Variants in ANXA8 observed in about 807,000 individuals in gnomAD.
The protein encoded by ANXA8 is VAC-beta.
ANXA8 carries 9 observed loss-of-function variants against 26.8 expected under a neutral mutation model. That is an observed-to-expected ratio of 0.34 (90% CI 0.20 to 0.59). ANXA8 has a LOEUF of 0.59. Among genes scored for constraint, ANXA8 ranks in the 20% least tolerant of loss-of-function variants. ANXA8 has a pLI of 0.84. For synonymous variants in ANXA8, 39 were observed against 94.8 expected, an observed-to-expected ratio of 0.41 and a Z score of 3.42; for missense variants, 83 against 238.5, an observed-to-expected ratio of 0.35 and a Z score of 4.29.
the ANXA8 span, among the ~76,000 whole-genome samples, chr10:47,652,372 G>A: frequency 6.6e-6 from 1 of 151,712 alleles, no homozygotes; most frequent in Non-Finnish European, 1.5e-5. Context: ...CGAGGCGAGT[G>A]GATCACTTGA....
At chr10:47,646,438 G>C in the ANXA8 span, among the ~76,000 whole-genome samples, 96 of 144,218 alleles carry the variant, frequency 6.7e-4, no homozygotes, top group Non-Finnish European at 1.1e-3. Flanking sequence ...AATAACTTAT[G>C]ACATGCTAAA....
At chr10:47,960,469 C>T in the ANXA8 span, among the ~76,000 whole-genome samples, 2 of 148,868 alleles carry the variant, frequency 1.3e-5, no homozygotes, top group Non-Finnish European at 3.0e-5. Flanking sequence ...CTCTGAGAAC[C>T]AATTATAAAC....
chr10:47,743,263 T>TATATATATAC, the ANXA8 span, among the ~76,000 whole-genome samples: 2 of 116,254 alleles, frequency 1.7e-5, no homozygotes, highest in Admixed American at 9.3e-5. Context: ...TATATATATA[T>TATATATATAC]ACATATATAT....
the ANXA8 span, among the ~76,000 whole-genome samples, chr10:47,735,435 A>C: frequency 6.7e-6 from 1 of 148,534 alleles, no homozygotes; most frequent in Non-Finnish European, 1.5e-5. Flanking sequence ...TGGATGAATG[A>C]AAGTGAGAAA....
chr10:47,703,417 A>T, the ANXA8 span, among the ~76,000 whole-genome samples: 19 of 151,350 alleles, frequency 1.3e-4, 2 homozygotes, highest in African/African-American at 4.4e-4. Context: ...AAAATAGAAA[A>T]ATTAACCAGG....
chr10:47,702,557 T>C, the ANXA8 span, among the ~76,000 whole-genome samples: 1 of 151,466 alleles, frequency 6.6e-6, no homozygotes, highest in East Asian at 2.0e-4. Flanking sequence ...GCCAGGCTGG[T>C]CTTGAACTCC....
At chr10:47,772,523 G>T in the ANXA8 span, among the ~76,000 whole-genome samples, 1 of 152,150 alleles carries the variant, frequency 6.6e-6, no homozygotes, top group Non-Finnish European at 1.5e-5. Context: ...CCTATAATGG[G>T]AGACTGGTTG....
the ANXA8 span, among the ~76,000 whole-genome samples, chr10:47,977,924 TGAA>T: frequency 6.6e-6 from 1 of 151,120 alleles, no homozygotes; most frequent in East Asian, 1.9e-4. Flanking sequence ...CCAAATTTGA[TGAA>T]GAACATTAAT....
chr10:47,587,845 A>G, the ANXA8 span, among the ~76,000 whole-genome samples: 1 of 145,974 alleles, frequency 6.9e-6, no homozygotes, highest in Non-Finnish European at 1.5e-5. Flanking sequence ...CCTGGGGAAA[A>G]CACCTCCTGT....
the ANXA8 span, among the ~76,000 whole-genome samples, chr10:47,503,972 A>AT: frequency 8.6e-6 from 1 of 116,120 alleles, no homozygotes; most frequent in South Asian, 2.8e-4. Context: ...AAAAAGATAC[A>AT]TTTTCTGTTG....
At chr10:47,491,772 G>A in the ANXA8 span, 7 of 1,517,322 alleles carry the variant, frequency 4.6e-6, 1 homozygote, top group African/African-American at 9.9e-5. Context: ...GGGGCAATAA[G>A]CCCTCACCCC....
the ANXA8 span, among the ~76,000 whole-genome samples, chr10:47,769,179 G>A: frequency 2.5e-4 from 36 of 144,530 alleles, no homozygotes; most frequent in East Asian, 7.4e-3. Context: ...TTCTGGAGTG[G>A]GTGTCAGGGG....
At chr10:47,691,235 G>A in the ANXA8 span, 19 of 1,418,274 alleles carry the variant, frequency 1.3e-5, no homozygotes, top group South Asian at 2.0e-4. Context: ...CACGGGTGAG[G>A]TCATTATGGT....
At chr10:47,694,562 A>G in the ANXA8 span, among the ~76,000 whole-genome samples, 2 of 151,578 alleles carry the variant, frequency 1.3e-5, no homozygotes, top group South Asian at 4.2e-4. Flanking sequence ...CTGGGACTAC[A>G]GGAGCCCGCC....
the ANXA8 span, among the ~76,000 whole-genome samples, chr10:47,519,467 C>CAA: frequency 2.4e-5 from 2 of 84,766 alleles, no homozygotes; most frequent in Non-Finnish European, 4.7e-5. Flanking sequence ...GACTCCATTT[C>CAA]AAAAAAAAAA....
chr10:47,698,814 G>A, the ANXA8 span, among the ~76,000 whole-genome samples: 1 of 151,930 alleles, frequency 6.6e-6, no homozygotes, highest in Admixed American at 6.6e-5. Context: ...GGTGACCAGA[G>A]TCAGACCTTG....
At chr10:47,497,147 C>G in the ANXA8 span, among the ~76,000 whole-genome samples, 12 of 147,022 alleles carry the variant, frequency 8.2e-5, no homozygotes, top group Non-Finnish European at 1.6e-4. Flanking sequence ...ATGGAGAAAC[C>G]CCATACCTAC....
the ANXA8 span, among the ~76,000 whole-genome samples, chr10:47,726,553 C>T: frequency 1.3e-5 from 2 of 152,238 alleles, no homozygotes; most frequent in Non-Finnish European, 2.9e-5. Flanking sequence ...TTTTTATTTT[C>T]ATTTCTAAAA....
At chr10:47,495,319 CTT>C in the ANXA8 span, among the ~76,000 whole-genome samples, 2,981 of 143,748 alleles carry the variant, frequency 0.021, 35 homozygotes, top group African/African-American at 0.071. Flanking sequence ...GAGTTTTGCT[CTT>C]GTTACCCAGG....
Sources: gnomAD v4.1 joint callset for allele counts (sites outside exome capture counted in the v4.1 genomes callset) on GRCh38, gnomAD v4.1.1 for gene constraint, MANE v1.5 for transcripts, NCBI Gene and HGNC (gene_info 2026-07-23, HGNC 2026-07-21) for gene names.